Variants in CFAP61 observed in about 807,000 individuals in gnomAD.
CFAP61 encodes cilia and flagella associated protein 61.
Under a neutral mutation model 135.6 loss-of-function variants are expected in CFAP61, and 107 were observed. The ratio of observed to expected loss-of-function variants is 0.79; its 90% CI spans 0.67 to 0.93. The LOEUF is 0.93. Ranked by LOEUF, CFAP61 falls within the 40% of genes least tolerant of loss-of-function variation. CFAP61 has a pLI of 0.00. For synonymous variants in CFAP61, 575 were observed against 578.5 expected, an observed-to-expected ratio of 0.99 and a Z score of 0.09; for missense variants, 1,507 against 1,556.2, an observed-to-expected ratio of 0.97 and a Z score of 0.53.
chr20:20,339,332 C>A (rs183494297), intron 25 of CFAP61, among the ~76,000 whole-genome samples: 1 of 152,268 alleles, frequency 6.6e-6, no homozygotes, highest in East Asian at 1.9e-4. Context: ...TAGTACCTGG[C>A]GGCCAAAAAT....
chr20:20,194,665 A>G (rs1371052486), intron 15 of CFAP61, among the ~76,000 whole-genome samples: 2 of 152,098 alleles, frequency 1.3e-5, no homozygotes, highest in East Asian at 1.9e-4. Context: ...TCTCCATGGC[A>G]TCTCCCCTGT....
chr20:20,298,376 G>A lies in CFAP61; in HGVS notation c.3412G>A (p.Asp1138Asn), dbSNP rs2055807139. 2 of 1,613,534 alleles carry A rather than the reference G, an allele frequency of 1.2e-6. No homozygotes were observed. The highest frequency in any genetic ancestry group is 2.7e-5 in the African/African-American group (2 of 74,898). ...CARYDENLIT[D>N]LYSYFTEPWC... ...TCGGTACGATGAAAACCTGATCACA[G>A]ATCTCTATAGGTGAGTTGGACATTG... Residue 1138 changes from aspartate to asparagine, a missense_variant, in exon 25 of 27, where the codon GAT becomes AAT. Coordinates refer to ENST00000245957, the MANE Select transcript of CFAP61 (RefSeq NM_015585.4).
Position 20,251,575 on chromosome 20 carries a change from C to T in CFAP61, c.2160-20C>T, listed in dbSNP as rs570802607. On this transcript the variant is annotated intron_variant, in intron 19 of 26. Coordinates refer to ENST00000245957, the MANE Select transcript of CFAP61 (RefSeq NM_015585.4). The stretch of plus-strand genomic sequence containing the variant: ...CTGTCAGCTGCTCAGATGTCACTTA[C>T]GGAGCTTCTCTCTTTGCAGCCACTG... The T allele has an allele frequency of 2.6e-5, 42 of 1,612,102 alleles. No individual in the cohort carries two copies. The highest frequency in any genetic ancestry group is 1.7e-4 in the Middle Eastern group (1 of 6,058).
intron 18 of CFAP61, among the ~76,000 whole-genome samples, chr20:20,233,588 C>G (rs559875490): frequency 1.3e-5 from 2 of 152,280 alleles, no homozygotes; most frequent in South Asian, 4.1e-4. Flanking sequence ...GTGGAAGGAG[C>G]TTTACCTGCC....
intron 9 of CFAP61, among the ~76,000 whole-genome samples, chr20:20,145,315 T>C (rs1330373718): frequency 6.6e-6 from 1 of 152,336 alleles, no homozygotes; most frequent in African/African-American, 2.4e-5. Context: ...AGTGCTATAA[T>C]ATCACCTAAT....
intron 18 of CFAP61, among the ~76,000 whole-genome samples, chr20:20,244,205 C>T (rs573116836): frequency 1.3e-5 from 2 of 152,138 alleles, no homozygotes; most frequent in South Asian, 4.2e-4. Flanking sequence ...GGAGGGTGGC[C>T]CTCTTCTCAC....
At chr20:20,112,761 C>T (rs2048883988) in intron 8 of CFAP61, among the ~76,000 whole-genome samples, 1 of 152,180 alleles carries the variant, frequency 6.6e-6, no homozygotes, top group Non-Finnish European at 1.5e-5. Flanking sequence ...TTTTGGTGGG[C>T]TGTTCATCAC....
At chr20:20,347,790 C>T (rs1012814939) in intron 26 of CFAP61, among the ~76,000 whole-genome samples, 6 of 151,790 alleles carry the variant, frequency 4.0e-5, no homozygotes, top group Admixed American at 1.3e-4. Flanking sequence ...AAAATTAGCC[C>T]GTCATGGTGG....
At chr20:20,143,889 T>G (rs1257294571) in intron 9 of CFAP61, among the ~76,000 whole-genome samples, 1 of 152,166 alleles carries the variant, frequency 6.6e-6, no homozygotes, top group Non-Finnish European at 1.5e-5. Context: ...AAGGCCAGGC[T>G]GAGAAAAGAA....
chr20:20,188,114 G>T, intron 14 of CFAP61, 58 bp downstream of exon 14: 1 of 1,582,268 alleles, frequency 6.3e-7, no homozygotes, highest in South Asian at 1.1e-5. Flanking sequence ...GACCCATGTA[G>T]ATTCAGCCCT....
At chr20:20,295,718 C>T (rs2055374076) in intron 24 of CFAP61, among the ~76,000 whole-genome samples, 1 of 152,004 alleles carries the variant, frequency 6.6e-6, no homozygotes. Flanking sequence ...AAGTTGACAC[C>T]AGGGGTTATT....
chr20:20,237,290 A>G (rs1441514448), intron 18 of CFAP61, among the ~76,000 whole-genome samples: 1 of 152,050 alleles, frequency 6.6e-6, no homozygotes, highest in East Asian at 1.9e-4. Flanking sequence ...GGGTTGAGTC[A>G]CACCCAGACT....
intron 19 of CFAP61, among the ~76,000 whole-genome samples, chr20:20,250,685 C>G (rs759348987): frequency 2.6e-5 from 4 of 152,202 alleles, no homozygotes; most frequent in Non-Finnish European, 5.9e-5. Flanking sequence ...AAAAGAAGCA[C>G]TTAATGTCCT....
chr20:20,110,459 C>A (rs1041499265), intron 8 of CFAP61, among the ~76,000 whole-genome samples: 22 of 152,054 alleles, frequency 1.4e-4, no homozygotes, highest in Non-Finnish European at 2.8e-4. Flanking sequence ...GAGACAGCAA[C>A]ATAGATTAGA....
intron 8 of CFAP61, among the ~76,000 whole-genome samples, chr20:20,132,287 T>TTG (rs1347812876): frequency 1.3e-5 from 2 of 152,156 alleles, no homozygotes; most frequent in Non-Finnish European, 2.9e-5. Flanking sequence ...TAATAGTCTG[T>TTG]TGTATATATA....
At chr20:20,345,526 A>G (rs769281644) in intron 26 of CFAP61, among the ~76,000 whole-genome samples, 1 of 152,248 alleles carries the variant, frequency 6.6e-6, no homozygotes, top group Non-Finnish European at 1.5e-5. Flanking sequence ...AGCTTGGTAT[A>G]TCAATTTTCT....
At chr20:20,248,351 C>A (rs1355023050) in intron 19 of CFAP61, among the ~76,000 whole-genome samples, 1 of 152,196 alleles carries the variant, frequency 6.6e-6, no homozygotes, top group Non-Finnish European at 1.5e-5. Flanking sequence ...CATGGGGTTT[C>A]AAAATAACAG....
chr20:20,221,448 C>A (rs1409559824), intron 17 of CFAP61, among the ~76,000 whole-genome samples: 2 of 151,926 alleles, frequency 1.3e-5, no homozygotes, highest in Non-Finnish European at 2.9e-5. Context: ...AAGTTGCTAT[C>A]AATTATAAGA....
At chr20:20,073,395 C>G (rs953580215) in intron 3 of CFAP61, among the ~76,000 whole-genome samples, 10 of 152,196 alleles carry the variant, frequency 6.6e-5, no homozygotes, top group Non-Finnish European at 1.5e-5. Context: ...TTCTGAGTCA[C>G]ACACCATCCG....
Sources: gnomAD v4.1 joint callset for allele counts (sites outside exome capture counted in the v4.1 genomes callset) on GRCh38, gnomAD v4.1.1 for gene constraint, MANE v1.5 for transcripts, NCBI Gene and HGNC (gene_info 2026-07-23, HGNC 2026-07-21) for gene names.